ITK: variants seen among roughly 807,000 people sequenced by gnomAD.
ITK encodes the protein tyrosine-protein kinase ITK/TSK.
Under a neutral mutation model 87.6 loss-of-function variants are expected in ITK, and 45 were observed. The observed-to-expected ratio is 0.51, with a 90% CI of 0.40 to 0.66. The LOEUF (loss-of-function observed/expected upper bound fraction) is 0.66. Ranked by LOEUF, ITK falls within the 30% of genes least tolerant of loss-of-function variation. ITK has a pLI of 0.00. For synonymous variants in ITK, 303 were observed against 273.6 expected, an observed-to-expected ratio of 1.11 and a Z score of -1.06; for missense variants, 605 against 766.3, an observed-to-expected ratio of 0.79 and a Z score of 2.48.
chr5:157,189,630 G>A (rs557440235), intron 1 of ITK, among the ~76,000 whole-genome samples: 27 of 152,262 alleles, frequency 1.8e-4, no homozygotes, highest in Middle Eastern at 3.4e-3. Context: ...GCAGTAGGCT[G>A]AGATCGCACC....
chr5:157,220,558 G>C (rs1014156067), intron 5 of ITK, among the ~76,000 whole-genome samples: 2 of 152,188 alleles, frequency 1.3e-5, no homozygotes, highest in Non-Finnish European at 2.9e-5. Flanking sequence ...CAGAGGTCCT[G>C]GGGGGTCAGG....
chr5:157,216,752 A>G (rs1754306198), intron 4 of ITK, among the ~76,000 whole-genome samples: 1 of 152,136 alleles, frequency 6.6e-6, no homozygotes, highest in Admixed American at 6.5e-5. Flanking sequence ...GAGTTAGAAC[A>G]CCAGTCTCCC....
intron 1 of ITK, chr5:157,195,196 T>C (rs1454421404): frequency 6.6e-6 from 1 of 152,230 alleles, no homozygotes; most frequent in Non-Finnish European, 1.5e-5. Flanking sequence ...CCCACATTTC[T>C]CTCAATCCAA....
At position 157,244,298 on chromosome 5, in the gene ITK, G is replaced by C. The variant is rs749619569; in HGVS notation, c.1269G>C (p.Gly423=). The C allele has an allele frequency of 1.2e-6, 2 of 1,614,060 alleles. No individual in the cohort carries two copies. The highest frequency in any genetic ancestry group is 2.2e-5 in the East Asian group (1 of 44,872). ...ATCCCAAACTGGTGCAGCTGTATGG[G>C]GTGTGCCTGGAGCAGGCCCCCATCT... ...LSHPKLVQLY[G]VCLEQAPICL... is the part of the protein sequence containing the mutation. Residue 423 remains glycine, a synonymous_variant, in exon 13 of 17, where the codon GGG becomes GGC. Transcript: ENST00000422843.
chr5:157,194,077 G>A (rs1753805924), intron 1 of ITK, among the ~76,000 whole-genome samples: 1 of 152,186 alleles, frequency 6.6e-6, no homozygotes, highest in South Asian at 2.1e-4. Flanking sequence ...GCAACAGCAT[G>A]CCTTAGGACA....
intron 1 of ITK, among the ~76,000 whole-genome samples, chr5:157,187,022 C>T (rs1753659748): frequency 6.6e-6 from 1 of 152,242 alleles, no homozygotes. Flanking sequence ...TGTCTCAGCT[C>T]ATGTCTCACT....
At chr5:157,222,623 C>A in intron 5 of ITK, 1 of 549,318 alleles carries the variant, frequency 1.8e-6, no homozygotes, top group Non-Finnish European at 3.3e-6. Context: ...AACCAGCAGA[C>A]TTTTGTGAAA....
At chr5:157,201,472 A>G (rs1256219355) in intron 1 of ITK, among the ~76,000 whole-genome samples, 4 of 151,356 alleles carry the variant, frequency 2.6e-5, no homozygotes, top group African/African-American at 9.7e-5. Flanking sequence ...TAATTTTTGT[A>G]TTTTCTTAGA....
intron 9 of ITK, among the ~76,000 whole-genome samples, chr5:157,239,820 C>G (rs891228845): frequency 6.6e-6 from 1 of 152,176 alleles, no homozygotes; most frequent in African/African-American, 2.4e-5. Flanking sequence ...AATGGAAGAA[C>G]CATCACCAAT....
Position 157,254,424 on chromosome 5 carries a change from T to A in ITK, c.*1746T>A, listed in dbSNP as rs1297310981. On this transcript the variant is annotated 3_prime_UTR_variant, in exon 17 of 17. Transcript: ENST00000422843. ...AAAGATTCTTCTGTAGAAGTATGAG[T>A]TCTTCCTTTAATTATCATTCCAACT... 1.3e-5 allele frequency: 3 copies of A among 222,542 alleles called. No individual in the cohort carries two copies. Among genetic ancestry groups the A allele is most frequent in the Admixed American group, 5.7e-5 (1 of 17,432 alleles). 13.8% of individuals were successfully genotyped at this position (222,542 alleles called of 1,614,324 possible). A position where few individuals can be genotyped will look rare whatever the true frequency, so the allele number is the denominator to read the frequency against.
chr5:157,216,282 A>G (rs766839193), intron 4 of ITK, among the ~76,000 whole-genome samples: 4 of 152,136 alleles, frequency 2.6e-5, no homozygotes, highest in Admixed American at 2.6e-4. Flanking sequence ...GTGCGGGTCT[A>G]TGAGCACTGG....
intron 8 of ITK, 54 bp downstream of exon 8, chr5:157,232,448 G>A (rs1754677104): frequency 8.2e-7 from 1 of 1,215,594 alleles, no homozygotes; most frequent in Non-Finnish European, 1.2e-6. Context: ...TAAGTGCACT[G>A]TCTCATGTCT....
intron 7 of ITK, among the ~76,000 whole-genome samples, chr5:157,230,095 T>A (rs34056240): frequency 0.016 from 2,488 of 152,230 alleles, 28 homozygotes; most frequent in Non-Finnish European, 0.027. Context: ...TTAAATCTCA[T>A]GACTTCGGTA....
chr5:157,236,622 G>A (rs1361839692), intron 8 of ITK, among the ~76,000 whole-genome samples: 2 of 152,192 alleles, frequency 1.3e-5, no homozygotes, highest in Non-Finnish European at 2.9e-5. Flanking sequence ...ACTAAGTTAA[G>A]TGAATCATAA....
chr5:157,231,031 T>A (rs774194878), intron 7 of ITK, among the ~76,000 whole-genome samples: 24 of 152,344 alleles, frequency 1.6e-4, no homozygotes, highest in Non-Finnish European at 2.8e-4. Context: ...GTATGATAAC[T>A]TTTTATTCGT....
chr5:157,198,904 G>C lies in ITK; in HGVS notation c.139-9985G>C, dbSNP rs962545719. 3.9e-5 allele frequency among the ~76,000 whole-genome samples: 6 copies of C among 152,024 alleles called. No individual in the cohort carries two copies. In the East Asian group the frequency reaches 1.2e-3, roughly 29 times the overall value. On this transcript the variant is annotated intron_variant, in intron 1 of 16. Coordinates refer to ENST00000422843, the MANE Select transcript of ITK (RefSeq NM_005546.4). ...CAGCCTCCGGAGTGGCTGGTACTAC[G>C]GGCATGTGCCACCACACCTGGCTAA... is the stretch of plus-strand genomic sequence containing the variant.
intron 4 of ITK, among the ~76,000 whole-genome samples, chr5:157,215,152 A>T (rs1233511889): frequency 6.6e-6 from 1 of 152,186 alleles, no homozygotes; most frequent in Non-Finnish European, 1.5e-5. Context: ...TGAGCAATTC[A>T]GTATGCTCCG....
intron 1 of ITK, among the ~76,000 whole-genome samples, chr5:157,188,725 C>T (rs1452384757): frequency 6.6e-6 from 1 of 152,324 alleles, no homozygotes; most frequent in Admixed American, 6.5e-5. Flanking sequence ...CAGACTCAAG[C>T]GATCCTCTCG....
intron 16 of ITK, among the ~76,000 whole-genome samples, chr5:157,249,560 A>C (rs1410062387): frequency 6.6e-6 from 1 of 152,220 alleles, no homozygotes; most frequent in Non-Finnish European, 1.5e-5. Flanking sequence ...TTGCTGAGTT[A>C]GAAAATCATA....
Sources: allele counts gnomAD v4.1 joint callset (sites outside exome capture counted in the v4.1 genomes callset), GRCh38; gene constraint gnomAD v4.1.1; transcripts MANE v1.5; gene names NCBI Gene and HGNC (gene_info 2026-07-23, HGNC 2026-07-21).